The following ARID1B variants were observed in gnomAD, a reference collection of about 807,000 sequenced individuals.
ARID1B encodes AT-rich interactive domain-containing protein 1B.
In ARID1B, 30 loss-of-function variants were observed where a neutral mutation model predicts 212.3. That is an observed-to-expected ratio of 0.14 (90% CI 0.11 to 0.19). ARID1B has a LOEUF of 0.19. Ranked by LOEUF, ARID1B falls within the 10% of genes least tolerant of loss-of-function variation. ARID1B has a pLI of 1.00. For synonymous variants in ARID1B, 1,402 were observed against 1,301.7 expected (o/e 1.08, Z -1.66); for missense variants, 2,891 against 3,204.0 (o/e 0.90, Z 2.36).
rs2128326251 is a variant in ARID1B at position 157,184,454 on chromosome 6, G to A, written c.3919+19G>A. Reference sequence around the variant, plus strand: ...TCTCCTGGTAAGTGGCGGCGCTGCAGTCACTGGCCCAGGAAAGCCCAGGCG... The same window carrying A: ...TCTCCTGGTAAGTGGCGGCGCTGCAATCACTGGCCCAGGAAAGCCCAGGCG... On this transcript the variant is annotated intron_variant, in intron 13 of 19. Transcript: ENST00000636930. The A allele has an allele frequency of 6.2e-7, 1 of 1,613,680 alleles. No homozygotes were observed. Among genetic ancestry groups the A allele is most frequent in the Non-Finnish European group, 8.5e-7 (1 of 1,179,924 alleles).
chr6:157,200,581 A>G lies in ARID1B; in HGVS notation c.4480-124A>G, dbSNP rs1382137072. On this transcript the variant is annotated intron_variant, in intron 17 of 19. Coordinates refer to ENST00000636930, the MANE Select transcript of ARID1B (RefSeq NM_001374828.1). The surrounding 1 kb of genome is among the most constrained non-coding windows in gnomAD (Gnocchi z 4.3). ...TAAATTGTTAGTTCTCTGTTGTTAT[A>G]GGAGCTTCCCATATTCATTTTGAAA... 11 of 1,085,494 alleles carry G rather than the reference A, an allele frequency of 1.0e-5. No individual in the cohort carries two copies. The highest frequency in any genetic ancestry group is 2.7e-5 in the Admixed American group (1 of 37,468). The allele number at this position is 1,085,494 out of a possible 1,614,324, so 67.2% of individuals were successfully genotyped here. A position where few individuals can be genotyped will look rare whatever the true frequency, so the allele number is the denominator to read the frequency against.
rs1325375116 is a variant in ARID1B, at chr6:157,206,704, A to G, written c.5932A>G (p.Arg1978Gly). The G allele has an allele frequency of 1.9e-6, 3 of 1,612,708 alleles. No individual in the cohort carries two copies. Among genetic ancestry groups the G allele is most frequent in the Non-Finnish European group, 2.5e-6 (3 of 1,180,006 alleles). Residue 1978 changes from arginine (R) to glycine (G), a missense_variant, in exon 20 of 20, where the codon AGA becomes GGA. Arg to Gly is a moderately radical substitution (Grantham distance 125). Coordinates refer to ENST00000636930, the MANE Select transcript of ARID1B (RefSeq NM_001374828.1). The surrounding 1 kb of genome is among the most constrained non-coding windows in gnomAD (Gnocchi z 6.8). ...RPPPPLSSAG[R>G]KKEQEGKGDS... ...ACCTCCCCCCTTAAGCTCCGCAGGT[A>G]GAAAGAAAGAGCAAGAAGGCAAAGG...
At chr6:157,073,521 T>C (rs1004399406) in intron 4 of ARID1B, among the ~76,000 whole-genome samples, 1 of 152,246 alleles carries the variant, frequency 6.6e-6, no homozygotes, top group Non-Finnish European at 1.5e-5. Flanking sequence ...AGAACTGTGT[T>C]AATATGTGGA....
At chr6:156,929,806 AC>A (rs1791552185) in intron 3 of ARID1B, among the ~76,000 whole-genome samples, 1 of 151,898 alleles carries the variant, frequency 6.6e-6, no homozygotes, top group South Asian at 2.1e-4. Flanking sequence ...CTCCTCACTG[AC>A]CTCTTACTAG....
At chr6:157,006,046 A>C in intron 4 of ARID1B, among the ~76,000 whole-genome samples, 2 of 149,110 alleles carry the variant, frequency 1.3e-5, no homozygotes, top group African/African-American at 2.5e-5. Context: ...ACCCCACAAC[A>C]CCCCCCATTG....
chr6:156,872,037 G>T (rs1354388007), intron 2 of ARID1B, among the ~76,000 whole-genome samples: 1 of 152,164 alleles, frequency 6.6e-6, no homozygotes, highest in Non-Finnish European at 1.5e-5. Context: ...ATATGATATT[G>T]TACGCTGACA....
chr6:157,051,514 C>T (rs1334506466), intron 4 of ARID1B, among the ~76,000 whole-genome samples: 1 of 152,004 alleles, frequency 6.6e-6, no homozygotes, highest in East Asian at 1.9e-4. Flanking sequence ...TTTTAGATGA[C>T]TATTTGTAAT....
At chr6:156,992,874 G>A (rs919006110) in intron 4 of ARID1B, among the ~76,000 whole-genome samples, 5 of 152,104 alleles carry the variant, frequency 3.3e-5, no homozygotes, top group African/African-American at 1.2e-4. Flanking sequence ...TCTGCAGTTA[G>A]CCAAGTTTAT....
At chr6:157,191,412 T>C (rs1007892538) in intron 15 of ARID1B, among the ~76,000 whole-genome samples, 2 of 151,688 alleles carry the variant, frequency 1.3e-5, no homozygotes, top group African/African-American at 4.9e-5. Flanking sequence ...TGTGTCCCGG[T>C]GGTAAGGCAT....
intron 4 of ARID1B, among the ~76,000 whole-genome samples, chr6:157,028,689 G>A (rs1780820896): frequency 6.6e-6 from 1 of 152,130 alleles, no homozygotes; most frequent in South Asian, 2.1e-4. Context: ...TACAAATAAT[G>A]TCATCATGTA....
Position 157,200,626 on chromosome 6 carries a change from T to C in ARID1B, c.4480-79T>C. On this transcript the variant is annotated intron_variant, in intron 17 of 19. Coordinates refer to ENST00000636930, the MANE Select transcript of ARID1B (RefSeq NM_001374828.1). The surrounding 1 kb of genome is among the most constrained non-coding windows in gnomAD (Gnocchi z 4.3). ...TTGAAATGAACATTCTAGCAGGTAA[T>C]AACTATTTTGCATAATTTCAGTGTG... The C allele has an allele frequency of 6.8e-7, 1 of 1,463,582 alleles. No individual in the cohort carries two copies. Among genetic ancestry groups the C allele is most frequent in the South Asian group, 1.4e-5 (1 of 73,890 alleles). The allele number at this position is 1,463,582 out of a possible 1,614,324, so 90.7% of individuals were successfully genotyped here.
rs866118017 is a variant in ARID1B, at chr6:157,057,502, T to A, written c.2248-27160T>A. Among the ~76,000 whole-genome samples the A allele has an allele frequency of 3.3e-5, 5 of 151,944 alleles. No homozygotes were observed. The Middle Eastern group carries it at 0.01, about 314-fold the overall frequency. On this transcript the variant is annotated intron_variant, in intron 4 of 19. Coordinates refer to ENST00000636930, the MANE Select transcript of ARID1B (RefSeq NM_001374828.1). ...TGAGGTTTCACTATGTTGTGCAGCC[T>A]GGCTTTGAACTCCTAGGCCCAAACG... is the stretch of plus-strand genomic sequence containing the variant.
rs142391292 is a variant in ARID1B at position 157,184,284 on chromosome 6, C to T, written c.3768C>T (p.Thr1256=). The T allele has an allele frequency of 4.1e-3, 6,579 of 1,614,130 alleles. 12 individuals are homozygous for T. The highest frequency in any genetic ancestry group is 4.9e-3 in the Non-Finnish European group (5,726 of 1,179,984). Residue 1256 remains threonine (T), a synonymous_variant, in exon 13 of 20, where the codon ACC becomes ACT. Coordinates refer to ENST00000636930, the MANE Select transcript of ARID1B (RefSeq NM_001374828.1). ...RELATNLNVG[T]SSSAASSLKK... ...TGGCAACCAACCTAAACGTTGGCAC[C>T]TCAAGCAGTGCAGCGAGCTCCCTGA...
chr6:157,106,960 T>C (rs1786534846), intron 5 of ARID1B, among the ~76,000 whole-genome samples: 1 of 152,172 alleles, frequency 6.6e-6, no homozygotes, highest in South Asian at 2.1e-4. Context: ...GATCCAGAAA[T>C]TCGTGAGTGC....
At chr6:156,795,949 C>CCGGGA (rs1382705867) in intron 1 of ARID1B, among the ~76,000 whole-genome samples, 1 of 152,080 alleles carries the variant, frequency 6.6e-6, no homozygotes, top group East Asian at 1.9e-4. Flanking sequence ...CGTAAGCGGT[C>CCGGGA]CTGCTGGGGT....
chr6:156,920,234 C>G (rs960914364), intron 3 of ARID1B, among the ~76,000 whole-genome samples: 2 of 152,266 alleles, frequency 1.3e-5, no homozygotes, highest in African/African-American at 4.8e-5. Context: ...CTCTGATACC[C>G]TGCTCCTGCC....
chr6:156,956,645 C>T (rs1288599729), intron 4 of ARID1B, among the ~76,000 whole-genome samples: 1 of 152,142 alleles, frequency 6.6e-6, no homozygotes, highest in Non-Finnish European at 1.5e-5. Flanking sequence ...GTGTATTTTG[C>T]ATCTCCCTCC....
intron 4 of ARID1B, among the ~76,000 whole-genome samples, chr6:157,073,812 T>A (rs1442660357): frequency 1.3e-5 from 2 of 152,236 alleles, no homozygotes; most frequent in African/African-American, 2.4e-5. Flanking sequence ...CAGTAAGTAT[T>A]TAACGAGCAC....
chr6:157,131,360 A>G (rs188804103), intron 6 of ARID1B, among the ~76,000 whole-genome samples: 1 of 152,280 alleles, frequency 6.6e-6, no homozygotes, highest in East Asian at 1.9e-4. Flanking sequence ...GAAAAGTGCT[A>G]TGAAGGAAGG....
Sources: allele counts gnomAD v4.1 joint callset (sites outside exome capture counted in the v4.1 genomes callset), GRCh38; gene constraint gnomAD v4.1.1; non-coding constraint Gnocchi (gnomAD v3.1); transcripts MANE v1.5; gene names NCBI Gene and HGNC (gene_info 2026-07-23, HGNC 2026-07-21).